MICU1: variants seen among roughly 807,000 people sequenced by gnomAD.
MICU1 encodes the protein mitochondrial calcium uptake 1.
In MICU1, 45 loss-of-function variants were observed where a neutral mutation model predicts 56.8. That is an observed-to-expected ratio of 0.79 (90% CI 0.62 to 1.02). MICU1 has a LOEUF of 1.02. Ranked by LOEUF, MICU1 falls within the 50% of genes least tolerant of loss-of-function variation. The pLI is 0.00. For synonymous variants in MICU1, 186 were observed against 195.1 expected (o/e 0.95, Z 0.39); for missense variants, 504 against 587.1 (o/e 0.86, Z 1.46).
At chr10:72,404,956 G>T (rs532524283) in intron 10 of MICU1, among the ~76,000 whole-genome samples, 1 of 152,038 alleles carries the variant, frequency 6.6e-6, no homozygotes, top group African/African-American at 2.4e-5. Flanking sequence ...ACCCAGTCTG[G>T]AGTGCAGTGG....
At chr10:72,521,415 C>A (rs998741482) in intron 5 of MICU1, among the ~76,000 whole-genome samples, 1 of 152,012 alleles carries the variant, frequency 6.6e-6, no homozygotes, top group South Asian at 2.1e-4. Context: ...CATTATACTT[C>A]GCATATTCTG....
intron 8 of MICU1, among the ~76,000 whole-genome samples, chr10:72,423,746 G>A (rs183930880): frequency 9.9e-5 from 15 of 152,230 alleles, no homozygotes; most frequent in Admixed American, 4.6e-4. Flanking sequence ...GCAATATCCC[G>A]ATATCCTGAT....
At chr10:72,456,954 T>TGTGTGGGTGTGTGG (rs1411583008) in intron 8 of MICU1, among the ~76,000 whole-genome samples, 2 of 137,208 alleles carry the variant, frequency 1.5e-5, no homozygotes, top group African/African-American at 6.9e-5. Context: ...CAGGTGTGTG[T>TGTGTGGGTGTGTGG]GTGTGTGTGT....
chr10:72,447,306 C>A (rs1008091034), intron 8 of MICU1, among the ~76,000 whole-genome samples: 3 of 152,138 alleles, frequency 2.0e-5, no homozygotes, highest in Non-Finnish European at 2.9e-5. Context: ...ATAATAGCTA[C>A]TGCCTAGAGG....
intron 10 of MICU1, among the ~76,000 whole-genome samples, chr10:72,387,245 G>A: frequency 6.6e-6 from 1 of 152,126 alleles, no homozygotes. Context: ...CAACCTGAGG[G>A]TCAGAGTAGT....
At chr10:72,519,613 G>T (rs1297088620) in intron 5 of MICU1, among the ~76,000 whole-genome samples, 1 of 152,132 alleles carries the variant, frequency 6.6e-6, no homozygotes, top group Non-Finnish European at 1.5e-5. Context: ...GGTTAAAGTT[G>T]CTGGTGCCAT....
At chr10:72,567,913 T>C (rs775095514) in intron 1 of MICU1, among the ~76,000 whole-genome samples, 7 of 152,098 alleles carry the variant, frequency 4.6e-5, no homozygotes, top group Non-Finnish European at 7.4e-5. Context: ...CAATGAAAGA[T>C]GTGTTTAGAG....
At chr10:72,551,546 A>C (rs1294245297) in intron 3 of MICU1, among the ~76,000 whole-genome samples, 3 of 152,146 alleles carry the variant, frequency 2.0e-5, no homozygotes, top group Non-Finnish European at 4.4e-5. Context: ...TATTTCTTGC[A>C]ATATACCATT....
chr10:72,546,428 C>G (rs7916668), intron 4 of MICU1, among the ~76,000 whole-genome samples: 3,130 of 152,246 alleles, frequency 0.021, 105 homozygotes, highest in African/African-American at 0.071. Context: ...AAGGGACACT[C>G]CAAGCTGTAA....
chr10:72,433,877 T>TTA (rs1317284883), intron 8 of MICU1, among the ~76,000 whole-genome samples: 2 of 152,228 alleles, frequency 1.3e-5, no homozygotes, highest in Non-Finnish European at 2.9e-5. Flanking sequence ...ATGACGATGA[T>TTA]TAAATCCTTA....
chr10:72,420,190 G>T (rs890251776), intron 9 of MICU1, among the ~76,000 whole-genome samples: 1 of 152,096 alleles, frequency 6.6e-6, no homozygotes, highest in Non-Finnish European at 1.5e-5. Flanking sequence ...CTCCTGAGTA[G>T]CTAGGATTAC....
At chr10:72,537,187 A>G (rs1315308545) in intron 4 of MICU1, among the ~76,000 whole-genome samples, 1 of 152,210 alleles carries the variant, frequency 6.6e-6, no homozygotes, top group African/African-American at 2.4e-5. Flanking sequence ...AGAAATGATT[A>G]TTTCACCTTG....
At chr10:72,535,878 A>G (rs1287084557) in intron 4 of MICU1, among the ~76,000 whole-genome samples, 2 of 152,210 alleles carry the variant, frequency 1.3e-5, no homozygotes, top group African/African-American at 2.4e-5. Flanking sequence ...TTAAAAAGGT[A>G]GAAAGGAAGA....
chr10:72,562,582 G>C (rs904187609), intron 3 of MICU1: 3 of 197,160 alleles, frequency 1.5e-5, no homozygotes, highest in Non-Finnish European at 3.0e-5. Context: ...ATACCACAAA[G>C]ACTCAACTTA....
chr10:72,435,607 G>A (rs756517817), intron 8 of MICU1, among the ~76,000 whole-genome samples: 8 of 152,184 alleles, frequency 5.3e-5, no homozygotes, highest in African/African-American at 1.9e-4. Context: ...CCTGGGAAGT[G>A]CAAGGGGTTG....
rs1376765412 is a variant in MICU1, at chr10:72,609,758, G to A, written c.-2+16252C>T. Among the ~76,000 whole-genome samples, 14 of 148,126 alleles carry A rather than the reference G, an allele frequency of 9.5e-5. No individual in the cohort carries two copies. The South Asian group carries it at 2.6e-3, about 28-fold the overall frequency. ...CAAAAAAAAAAAAAAAATGGTGGCCGGGCGTGGTGGCTCACGTCTGTAATT... is the reference window on the plus strand; with the variant it reads ...CAAAAAAAAAAAAAAAATGGTGGCCAGGCGTGGTGGCTCACGTCTGTAATT... On this transcript the variant is annotated intron_variant, in intron 1 of 11. Coordinates refer to ENST00000361114, the MANE Select transcript of MICU1 (RefSeq NM_001195518.2).
Position 72,408,772 on chromosome 10 carries a change from A to G in MICU1, c.1072-735T>C, listed in dbSNP as rs527250487. On this transcript the variant is annotated intron_variant, in intron 9 of 11. Transcript: ENST00000361114. ...GCTCACAGGCCAGCTGAGCTTTTTG[A>G]GGCTTAAGCGAATTGAAGAATCACC... Among the ~76,000 whole-genome samples, 9 of 152,332 alleles carry G rather than the reference A, an allele frequency of 5.9e-5. No individual in the cohort carries two copies. In the South Asian group the frequency reaches 1.9e-3, roughly 32 times the overall value.
chr10:72,608,482 T>C (rs373208679), intron 1 of MICU1, among the ~76,000 whole-genome samples: 94 of 152,172 alleles, frequency 6.2e-4, no homozygotes, highest in African/African-American at 2.2e-3. Context: ...AATAAGCACA[T>C]GAAAAGATGC....
intron 9 of MICU1, among the ~76,000 whole-genome samples, chr10:72,411,143 A>G (rs1863797411): frequency 6.6e-6 from 1 of 152,184 alleles, no homozygotes; most frequent in South Asian, 2.1e-4. Context: ...GTATGACTGC[A>G]CTTAAATGAG....
Sources: allele counts gnomAD v4.1 joint callset (sites outside exome capture counted in the v4.1 genomes callset), GRCh38; gene constraint gnomAD v4.1.1; transcripts MANE v1.5; gene names NCBI Gene and HGNC (gene_info 2026-07-23, HGNC 2026-07-21).